The following PAK5 variants were observed in gnomAD, a reference collection of about 807,000 sequenced individuals.
PAK5 encodes the protein serine/threonine-protein kinase PAK 5.
A neutral mutation model predicts 65.9 loss-of-function variants in PAK5; 16 were observed. The observed-to-expected ratio is 0.24, with a 90% CI of 0.16 to 0.37. PAK5 has a LOEUF of 0.37. Ranked by LOEUF, PAK5 falls within the 10% of genes least tolerant of loss-of-function variation. PAK5 has a pLI of 1.00. For synonymous variants in PAK5, 371 were observed against 354.9 expected, an observed-to-expected ratio of 1.05 and a Z score of -0.51; for missense variants, 785 against 903.9, an observed-to-expected ratio of 0.87 and a Z score of 1.69.
intron 1 of PAK5, among the ~76,000 whole-genome samples, chr20:9,738,281 T>C (rs761692283): frequency 3.9e-5 from 6 of 152,164 alleles, no homozygotes; most frequent in Admixed American, 3.9e-4. Context: ...GTTAAACATA[T>C]GCCTACTATA....
intron 1 of PAK5, among the ~76,000 whole-genome samples, chr20:9,815,953 C>T (rs148051425): frequency 6.6e-6 from 1 of 152,242 alleles, no homozygotes; most frequent in East Asian, 1.9e-4. Context: ...TTACATGCAC[C>T]ATTCAGAGAG....
intron 1 of PAK5, among the ~76,000 whole-genome samples, chr20:9,775,581 T>C (rs946581275): frequency 2.0e-5 from 3 of 152,220 alleles, no homozygotes; most frequent in Non-Finnish European, 4.4e-5. Flanking sequence ...AGTAGGTATG[T>C]TCTACAAAAG....
intron 7 of PAK5, among the ~76,000 whole-genome samples, chr20:9,546,949 G>A (rs112202504): frequency 0.022 from 3,357 of 152,284 alleles, 134 homozygotes; most frequent in African/African-American, 0.076. Flanking sequence ...ACAGTGGGTT[G>A]AATATCTCCC....
chr20:9,726,976 A>G (rs778637181), intron 1 of PAK5, among the ~76,000 whole-genome samples: 1 of 152,152 alleles, frequency 6.6e-6, no homozygotes, highest in Non-Finnish European at 1.5e-5. Context: ...GGCTTTGCCA[A>G]TTAGAATCTT....
intron 1 of PAK5, among the ~76,000 whole-genome samples, chr20:9,791,895 G>A (rs1331901062): frequency 1.3e-5 from 2 of 152,026 alleles, no homozygotes; most frequent in Non-Finnish European, 2.9e-5. Flanking sequence ...TTCCTCCCAA[G>A]TCTTTGCAAG....
intron 2 of PAK5, among the ~76,000 whole-genome samples, chr20:9,650,966 C>G (rs879324304): frequency 6.6e-6 from 1 of 152,178 alleles, no homozygotes; most frequent in East Asian, 1.9e-4. Flanking sequence ...TTCAAAAAAG[C>G]AAGATGGGCA....
intron 1 of PAK5, among the ~76,000 whole-genome samples, chr20:9,750,642 T>C (rs1471118792): frequency 6.6e-6 from 1 of 152,112 alleles, no homozygotes; most frequent in African/African-American, 2.4e-5. Flanking sequence ...ATTGAAAGGA[T>C]AACAGATAGC....
chr20:9,834,198 T>C (rs1444716689), intron 1 of PAK5, among the ~76,000 whole-genome samples: 1 of 152,182 alleles, frequency 6.6e-6, no homozygotes, highest in Non-Finnish European at 1.5e-5. Context: ...AAAATCACCC[T>C]TTTATGAGAC....
chr20:9,554,139 CA>C (rs1461366866), intron 7 of PAK5, among the ~76,000 whole-genome samples: 1 of 152,148 alleles, frequency 6.6e-6, no homozygotes, highest in African/African-American at 2.4e-5. Context: ...CAGTATTTTC[CA>C]AAAATGCCAA....
At chr20:9,687,047 C>T (rs1339822402) in intron 2 of PAK5, among the ~76,000 whole-genome samples, 1 of 152,166 alleles carries the variant, frequency 6.6e-6, no homozygotes, top group Non-Finnish European at 1.5e-5. Flanking sequence ...AAGGAGCCGC[C>T]CCCTCCTGAG....
chr20:9,775,393 C>T (rs1357883265), intron 1 of PAK5, among the ~76,000 whole-genome samples: 1 of 152,176 alleles, frequency 6.6e-6, no homozygotes, highest in African/African-American at 2.4e-5. Flanking sequence ...TCATTCCACC[C>T]ACAGGGTCCC....
At chr20:9,779,328 G>T (rs1370972544) in intron 1 of PAK5, among the ~76,000 whole-genome samples, 1 of 150,898 alleles carries the variant, frequency 6.6e-6, no homozygotes, top group African/African-American at 2.4e-5. Context: ...TGAATTTACT[G>T]CTGATATAAT....
At position 9,538,781 on chromosome 20, in the gene PAK5, T is replaced by G. The variant is rs2045210242; in HGVS notation, c.*681A>C. On this transcript the variant is annotated 3_prime_UTR_variant, in exon 10 of 10. Coordinates refer to ENST00000353224, the MANE Select transcript of PAK5 (RefSeq NM_177990.4). ...ACACCATCACCATCACTCTTAATTC[T>G]TCTTCCACCAAATAAGACACTTGTT... is the stretch of plus-strand genomic sequence containing the variant. The G allele has an allele frequency of 4.3e-6, 1 of 233,382 alleles. No individual in the cohort carries two copies. The highest frequency in any genetic ancestry group is 5.6e-5 in the Admixed American group (1 of 17,774). 14.5% of individuals were successfully genotyped at this position (233,382 alleles called of 1,614,324 possible). A position where few individuals can be genotyped will look rare whatever the true frequency, so the allele number is the denominator to read the frequency against.
chr20:9,675,955 G>C (rs1258279643), intron 2 of PAK5, among the ~76,000 whole-genome samples: 1 of 152,134 alleles, frequency 6.6e-6, no homozygotes, highest in East Asian at 1.9e-4. Flanking sequence ...AACAAAAACT[G>C]TGTATTAGTT....
At chr20:9,828,774 A>G (rs1978481338) in intron 1 of PAK5, among the ~76,000 whole-genome samples, 1 of 152,204 alleles carries the variant, frequency 6.6e-6, no homozygotes, top group African/African-American at 2.4e-5. Flanking sequence ...AATGAAGCTA[A>G]TAACTGTTGT....
rs116391580 is a variant in PAK5 at position 9,650,161 on chromosome 20, G to T, written c.-11-5822C>A. Among the ~76,000 whole-genome samples, 435 of 152,308 alleles carry T rather than the reference G, an allele frequency of 2.9e-3. 2 individuals are homozygous for T. The highest frequency in any genetic ancestry group is 9.7e-3 in the African/African-American group (405 of 41,560). ...ATTGTTTGGATAACTCAATGAGAAGGTATTAGAAGAAAGCCCTACAAGGGA... is the reference window on the plus strand; with the variant it reads ...ATTGTTTGGATAACTCAATGAGAAGTTATTAGAAGAAAGCCCTACAAGGGA... On this transcript the variant is annotated intron_variant, in intron 2 of 9. Transcript: ENST00000353224.
At chr20:9,550,634 C>T (rs919527635) in intron 7 of PAK5, among the ~76,000 whole-genome samples, 19 of 152,134 alleles carry the variant, frequency 1.2e-4, no homozygotes, top group African/African-American at 4.3e-4. Flanking sequence ...AAATTTAATG[C>T]ATTGAATTAA....
intron 2 of PAK5, among the ~76,000 whole-genome samples, chr20:9,660,210 C>A (rs1223959250): frequency 6.6e-6 from 1 of 151,950 alleles, no homozygotes; most frequent in Non-Finnish European, 1.5e-5. Context: ...GCACTAAAGG[C>A]TTTCAGAATT....
intron 2 of PAK5, among the ~76,000 whole-genome samples, chr20:9,679,102 G>A (rs116832063): frequency 0.013 from 2,008 of 152,226 alleles, 43 homozygotes; most frequent in African/African-American, 0.046. Context: ...AGCATAAAGC[G>A]AGGATGAAGA....
Sources: gnomAD v4.1 joint callset for allele counts (sites outside exome capture counted in the v4.1 genomes callset) on GRCh38, gnomAD v4.1.1 for gene constraint, MANE v1.5 for transcripts, NCBI Gene and HGNC (gene_info 2026-07-23, HGNC 2026-07-21) for gene names.